KCTD1: variants seen among roughly 807,000 people sequenced by gnomAD.
KCTD1 encodes the protein potassium channel tetramerization domain containing 1.
A neutral mutation model predicts 66.0 loss-of-function variants in KCTD1; 24 were observed. That is an observed-to-expected ratio of 0.36 (90% CI 0.26 to 0.51). KCTD1 has a LOEUF of 0.51. Ranked by LOEUF, KCTD1 falls within the 20% of genes least tolerant of loss-of-function variation. The probability of loss-of-function intolerance (pLI) is 0.95; values close to 1 mark genes in which losing one functional copy is unlikely to be tolerated. For missense variants in KCTD1, 943 were observed against 1,205.2 expected, an observed-to-expected ratio of 0.78 and a Z score of 3.22; for synonymous variants, 511 against 517.2, an observed-to-expected ratio of 0.99 and a Z score of 0.16.
At chr18:26,530,782 G>C (rs1230157173) in intron 1 of KCTD1, among the ~76,000 whole-genome samples, 1 of 152,198 alleles carries the variant, frequency 6.6e-6, no homozygotes, top group Non-Finnish European at 1.5e-5. Flanking sequence ...AACTATTTAA[G>C]GGACGATGTG....
At chr18:26,524,190 A>T (rs1438961299) in intron 1 of KCTD1, among the ~76,000 whole-genome samples, 1 of 152,216 alleles carries the variant, frequency 6.6e-6, no homozygotes, top group Non-Finnish European at 1.5e-5. Flanking sequence ...CCTGCTTTCC[A>T]GCAGGGGTAG....
At chr18:26,477,159 A>G (rs181888062) in intron 2 of KCTD1, among the ~76,000 whole-genome samples, 6 of 152,376 alleles carry the variant, frequency 3.9e-5, no homozygotes, top group African/African-American at 9.6e-5. Context: ...TATATAAAAA[A>G]GAATAATTTA....
intron 1 of KCTD1, among the ~76,000 whole-genome samples, chr18:26,526,680 G>A (rs1984176368): frequency 6.6e-6 from 1 of 152,138 alleles, no homozygotes; most frequent in African/African-American, 2.4e-5. Flanking sequence ...ACATCCAGAG[G>A]GATGCTGGAG....
chr18:26,562,448 G>GGGGGGTTC (rs1985883493), intron 1 of KCTD1, among the ~76,000 whole-genome samples: 1 of 136,422 alleles, frequency 7.3e-6, no homozygotes, highest in East Asian at 2.1e-4. Flanking sequence ...GGGTGGGGGC[G>GGGGGGTTC]GGGGGTTCTC....
rs560232370 is a variant in KCTD1, at chr18:26,620,940, C to T, written c.-16+8207G>A. On this transcript the variant is annotated intron_variant, in intron 1 of 4. Transcript: ENST00000317932. ...CTCCGCCTCCCGGGTTCACGCCATT[C>T]TCCTGCCTCAGCCTCCCGAGTAGCT... is the stretch of plus-strand genomic sequence containing the variant. Among the ~76,000 whole-genome samples the T allele has an allele frequency of 1.1e-4, 17 of 150,662 alleles. No individual in the cohort carries two copies. In the East Asian group the frequency reaches 3.4e-3, roughly 30 times the overall value.
intron 1 of KCTD1, among the ~76,000 whole-genome samples, chr18:26,611,581 C>T (rs1008319786): frequency 6.6e-6 from 1 of 152,168 alleles, no homozygotes; most frequent in Admixed American, 6.5e-5. Flanking sequence ...AAACTGCTGA[C>T]CTAAGGTGAT....
upstream of KCTD1, chr18:26,548,977 C>A: frequency 1.0e-6 from 1 of 985,342 alleles, no homozygotes; most frequent in Non-Finnish European, 1.2e-6. Flanking sequence ...TAAGTAATGC[C>A]CGAGGAGCAG....
chr18:26,474,276 G>C (rs1278307147), intron 3 of KCTD1, among the ~76,000 whole-genome samples: 1 of 152,152 alleles, frequency 6.6e-6, no homozygotes, highest in East Asian at 1.9e-4. Context: ...TTCTTTTTTA[G>C]AAAGTCCAGT....
intron 1 of KCTD1, among the ~76,000 whole-genome samples, chr18:26,585,711 G>T (rs1986457507): frequency 6.6e-6 from 1 of 152,150 alleles, no homozygotes. Context: ...TACTCTGTGT[G>T]ACACATCTAA....
At chr18:26,572,252 G>T (rs1986127755) in intron 1 of KCTD1, among the ~76,000 whole-genome samples, 1 of 152,012 alleles carries the variant, frequency 6.6e-6, no homozygotes, top group Admixed American at 6.6e-5. Context: ...TAGAGACAGG[G>T]TTTCACCATA....
At position 26,455,531 on chromosome 18, in the gene KCTD1, AT is replaced by A. The variant is rs1412110820; in HGVS notation, c.*211del. On this transcript the variant is annotated 3_prime_UTR_variant, in exon 5 of 5. Transcript: ENST00000580059. ...ATTTCCTACCTTTTGACATATATAT[AT>A]ATATTTATATATTTTTTACACCTTG... is the stretch of plus-strand genomic sequence containing the variant. 3.3e-6 allele frequency: 1 copy of A among 300,536 alleles called. No homozygotes were observed. Among genetic ancestry groups the A allele is most frequent in the Non-Finnish European group, 5.8e-6 (1 of 171,192 alleles). The allele number at this position is 300,536 out of a possible 1,614,324, so 18.6% of individuals were successfully genotyped here. A position where few individuals can be genotyped will look rare whatever the true frequency, so the allele number is the denominator to read the frequency against.
intron 2 of KCTD1, among the ~76,000 whole-genome samples, chr18:26,484,993 C>T (rs1420668629): frequency 6.6e-6 from 1 of 152,144 alleles, no homozygotes; most frequent in Non-Finnish European, 1.5e-5. Flanking sequence ...ATAAGGGCGC[C>T]ATTATTCACA....
chr18:26,597,050 A>C (rs767023469), intron 1 of KCTD1, among the ~76,000 whole-genome samples: 7 of 151,770 alleles, frequency 4.6e-5, no homozygotes, highest in Non-Finnish European at 7.4e-5. Flanking sequence ...AAGGCACTGG[A>C]GTCTCGGTGG....
chr18:26,613,726 C>T (rs941937946), intron 1 of KCTD1, among the ~76,000 whole-genome samples: 1 of 152,218 alleles, frequency 6.6e-6, no homozygotes, highest in Non-Finnish European at 1.5e-5. Flanking sequence ...TTTTGTCCTA[C>T]TTTGAACAGA....
intron 1 of KCTD1, among the ~76,000 whole-genome samples, chr18:26,537,711 C>T (rs1165581084): frequency 6.6e-6 from 1 of 152,214 alleles, no homozygotes; most frequent in Non-Finnish European, 1.5e-5. Context: ...TTCTAGAATA[C>T]TGAAATTAAG....
intron 1 of KCTD1, chr18:26,599,777 T>A: frequency 6.3e-7 from 1 of 1,577,372 alleles, no homozygotes; most frequent in South Asian, 1.1e-5. Context: ...TCTGGTCTTG[T>A]GGAAGTGAAA....
At chr18:26,501,375 G>A (rs368203555) in intron 1 of KCTD1, 125 bp from the exon 2 acceptor site, 49 of 822,670 alleles carry the variant, frequency 6.0e-5, no homozygotes, top group East Asian at 2.7e-4. Context: ...CTGAAAAACC[G>A]GCAAGCTCTT....
chr18:26,604,366 C>A (rs1293936061), intron 1 of KCTD1, among the ~76,000 whole-genome samples: 1 of 152,158 alleles, frequency 6.6e-6, no homozygotes, highest in African/African-American at 2.4e-5. Context: ...TCTCAAAGAG[C>A]TAAAAGCAGA....
chr18:26,526,868 G>GTTT (rs917976432), intron 1 of KCTD1, among the ~76,000 whole-genome samples: 11 of 138,476 alleles, frequency 7.9e-5, no homozygotes, highest in South Asian at 4.7e-4. Context: ...TACATTTTGG[G>GTTT]TTTTTTTTTT....
Sources: allele counts gnomAD v4.1 joint callset (sites outside exome capture counted in the v4.1 genomes callset), GRCh38; gene constraint gnomAD v4.1.1; transcripts MANE v1.5; gene names NCBI Gene and HGNC (gene_info 2026-07-23, HGNC 2026-07-21).